PCDHGB2: variants seen among roughly 807,000 people sequenced by gnomAD.
PCDHGB2 encodes the protein protocadherin gamma subfamily B, 2.
PCDHGB2 carries 55 observed loss-of-function variants against 59.3 expected under a neutral mutation model. The ratio of observed to expected loss-of-function variants is 0.93; its 90% CI spans 0.75 to 1.16. PCDHGB2 has a LOEUF of 1.16. PCDHGB2 is among the 50% of genes most tolerant of loss of function. PCDHGB2 has a pLI of 0.00. For missense variants in PCDHGB2, 1,228 were observed against 1,198.5 expected, an observed-to-expected ratio of 1.02 and a Z score of -0.36; for synonymous variants, 516 against 512.0, an observed-to-expected ratio of 1.01 and a Z score of -0.11.
chr5:141,427,978 T>C (rs750753961), intron 1 of PCDHGB2: 1 of 1,595,484 alleles, frequency 6.3e-7, no homozygotes, highest in African/African-American at 1.3e-5. Flanking sequence ...TACCCCGCGC[T>C]GGGGCCCGAT....
At chr5:141,371,448 G>A in intron 1 of PCDHGB2, 1 of 1,613,994 alleles carries the variant, frequency 6.2e-7, no homozygotes, top group Non-Finnish European at 8.5e-7. Flanking sequence ...CCTGGCTTCT[G>A]AATCCCAACA....
intron 1 of PCDHGB2, chr5:141,390,297 G>A (rs1313373310): frequency 6.2e-7 from 1 of 1,613,826 alleles, no homozygotes; most frequent in East Asian, 2.2e-5. Context: ...TTTCCTTTAA[G>A]TATAATTTAA....
intron 1 of PCDHGB2, chr5:141,403,427 G>T: frequency 6.2e-7 from 1 of 1,614,026 alleles, no homozygotes; most frequent in Non-Finnish European, 8.5e-7. Context: ...AGAAGCTATT[G>T]ATCCGGATGT....
chr5:141,497,740 C>G (rs954595046), intron 2 of PCDHGB2, among the ~76,000 whole-genome samples: 9 of 152,054 alleles, frequency 5.9e-5, no homozygotes, highest in African/African-American at 2.2e-4. Context: ...GGTTTCGCCA[C>G]GTTGGCCAGG....
At chr5:141,390,538 C>A in intron 1 of PCDHGB2, 1 of 518,310 alleles carries the variant, frequency 1.9e-6, no homozygotes, top group African/African-American at 1.9e-5. Flanking sequence ...GTTTTAACCA[C>A]AAAGTGAAAG....
At chr5:141,482,755 T>TGAAGTGGGAG (rs1554165462) in intron 1 of PCDHGB2, among the ~76,000 whole-genome samples, 1 of 143,580 alleles carries the variant, frequency 7.0e-6, no homozygotes, top group South Asian at 2.1e-4. Context: ...GGGATTATGG[T>TGAAGTGGGAG]ATTTCATTAT....
chr5:141,360,583 A>G lies in PCDHGB2; in HGVS notation c.448A>G (p.Thr150Ala), dbSNP rs769168418. ...AATTGGCGAATCCACTAAGCCAGGT[A>G]CAACATTTCCACTTGACCCAGCCCT... ...LKIGESTKPGTTFPLDPALDS... is the reference protein window; with the variant it reads ...LKIGESTKPGATFPLDPALDS... The change falls in exon 1 of 4, where the codon ACA becomes GCA. Residue 150 changes from threonine (T) to alanine (A), a missense_variant. Physicochemically the swap from Thr to Ala is moderately conservative, Grantham distance 58. Transcript: ENST00000522605. 1 of 1,614,004 alleles carries G rather than the reference A, an allele frequency of 6.2e-7. No homozygotes were observed. The highest frequency in any genetic ancestry group is 1.1e-5 in the South Asian group (1 of 91,092).
At chr5:141,386,122 A>G (rs980639132) in intron 1 of PCDHGB2, 1 of 152,152 alleles carries the variant, frequency 6.6e-6, no homozygotes, top group Non-Finnish European at 1.5e-5. Flanking sequence ...AAAGTGGGAG[A>G]TTGGGGATAC....
chr5:141,468,648 C>G (rs60206946), intron 1 of PCDHGB2: 27,626 of 151,800 alleles, frequency 0.18, 2,687 homozygotes, highest in Admixed American at 0.28. Flanking sequence ...GGGCGGATCA[C>G]AAGGTCAGGA....
In PCDHGB2 at chr5:141,420,077, C is replaced by T. The variant is rs760626443; in HGVS notation, c.2421+57521C>T. The T allele has an allele frequency of 2.9e-5, 47 of 1,613,782 alleles. No homozygotes were observed. Among genetic ancestry groups the T allele is most frequent in the Admixed American group, 1.0e-4 (6 of 60,004 alleles). The stretch of plus-strand genomic sequence containing the variant: ...CTGCTCCAAGTCCGGACCTGTGGGT[C>T]CCCCCAACTACAGTGAGGGAACGTT... On this transcript the variant is annotated intron_variant, in intron 1 of 3. Coordinates refer to ENST00000522605, the MANE Select transcript of PCDHGB2 (RefSeq NM_018923.3).
At chr5:141,510,040 G>A (rs2099879305) in intron 3 of PCDHGB2, among the ~76,000 whole-genome samples, 1 of 152,220 alleles carries the variant, frequency 6.6e-6, no homozygotes, top group Non-Finnish European at 1.5e-5. Flanking sequence ...GTTATGTAGA[G>A]GTTAAAAGTG....
intron 1 of PCDHGB2, chr5:141,428,251 T>C (rs761574102): frequency 1.1e-5 from 10 of 893,496 alleles, no homozygotes; most frequent in Middle Eastern, 2.1e-4. Flanking sequence ...ACTGCCAGAC[T>C]TCAGTGACAG....
intron 1 of PCDHGB2, chr5:141,390,461 C>T: frequency 2.7e-6 from 2 of 738,224 alleles, no homozygotes; most frequent in Non-Finnish European, 4.3e-6. Context: ...AAAGTAGGAG[C>T]AATTGTGTGG....
At chr5:141,468,783 G>A (rs908838744) in intron 1 of PCDHGB2, among the ~76,000 whole-genome samples, 7 of 151,460 alleles carry the variant, frequency 4.6e-5, no homozygotes, top group South Asian at 2.1e-4. Context: ...GGAGAATGGC[G>A]TGAACCCGGG....
At position 141,450,007 on chromosome 5, in the gene PCDHGB2, T is replaced by TA. The variant is rs57702245; in HGVS notation, c.2422-44800_2422-44799insA. Among the ~76,000 whole-genome samples the TA allele has an allele frequency of 5.9e-4, 19 of 31,956 alleles. No homozygotes were observed. In the African/African-American group the frequency reaches 7.8e-3, roughly 13 times the overall value. 21.0% of individuals were successfully genotyped at this position (31,956 alleles called of 152,430 possible). A position where few individuals can be genotyped will look rare whatever the true frequency, so the allele number is the denominator to read the frequency against. On this transcript the variant is annotated intron_variant, in intron 1 of 3. Coordinates refer to ENST00000522605, the MANE Select transcript of PCDHGB2 (RefSeq NM_018923.3). Reference sequence around the variant, plus strand: ...ACATTGCATTTAGTTGCCATGTCTCTTTTTTTTTTTTTTTTTTGAGACAGG... The same window carrying TA: ...ACATTGCATTTAGTTGCCATGTCTCTATTTTTTTTTTTTTTTTTGAGACAGG...
intron 1 of PCDHGB2, chr5:141,399,248 A>G (rs2150780633): frequency 6.2e-7 from 1 of 1,613,870 alleles, no homozygotes; most frequent in South Asian, 1.1e-5. Context: ...GATTCTGGGG[A>G]AAATGGGGAG....
intron 1 of PCDHGB2, chr5:141,376,026 A>T: frequency 6.2e-7 from 1 of 1,613,128 alleles, no homozygotes; most frequent in African/African-American, 1.3e-5. Context: ...GCCGTCCAGG[A>T]CCACGGCCAG....
Position 141,489,524 on chromosome 5 carries a change from T to TA in PCDHGB2, c.2422-5282dup. Reference sequence around the variant, plus strand: ...AATCAAAAGATTGACCGAGAAAGCCTATGTGGAGCCAGCACCAGCTGCCTG... The same window carrying TA: ...AATCAAAAGATTGACCGAGAAAGCCTAATGTGGAGCCAGCACCAGCTGCCTG... On this transcript the variant is annotated intron_variant, in intron 1 of 3. Transcript: ENST00000522605. This position sits in a 1 kb window ranked among gnomAD's most constrained non-coding sequence, Gnocchi z 4.5. 6.2e-7 allele frequency: 1 copy of TA among 1,614,076 alleles called. No homozygotes were observed. Among genetic ancestry groups the TA allele is most frequent in the Non-Finnish European group, 8.5e-7 (1 of 1,180,010 alleles).
At chr5:141,418,878 A>G (rs1193526475) in intron 1 of PCDHGB2, 2 of 1,613,930 alleles carry the variant, frequency 1.2e-6, no homozygotes, top group Non-Finnish European at 8.5e-7. Context: ...GTTGTAGACG[A>G]AAACGACAAC....
Sources: gnomAD v4.1 joint callset for allele counts (sites outside exome capture counted in the v4.1 genomes callset) on GRCh38, gnomAD v4.1.1 for gene constraint, Gnocchi (gnomAD v3.1) non-coding constraint, MANE v1.5 for transcripts, NCBI Gene and HGNC (gene_info 2026-07-23, HGNC 2026-07-21) for gene names.